EXT1: variants seen among roughly 807,000 people sequenced by gnomAD.
EXT1 encodes exostosin glycosyltransferase 1.
EXT1 carries 20 observed loss-of-function variants against 82.5 expected under a neutral mutation model. The ratio of observed to expected loss-of-function variants is 0.24; its 90% CI spans 0.17 to 0.35. EXT1 has a LOEUF of 0.35. Among genes scored for constraint, EXT1 ranks in the 10% least tolerant of loss-of-function variants. The pLI is 1.00. For missense variants in EXT1, 757 were observed against 936.5 expected, an observed-to-expected ratio of 0.81 and a Z score of 2.50; for synonymous variants, 348 against 350.8, an observed-to-expected ratio of 0.99 and a Z score of 0.09.
At chr8:117,967,109 T>A (rs1814833526) in intron 1 of EXT1, among the ~76,000 whole-genome samples, 2 of 152,242 alleles carry the variant, frequency 1.3e-5, no homozygotes, top group South Asian at 4.1e-4. Context: ...TACATCTGAT[T>A]AAATCATAAC....
At chr8:117,936,145 C>G (rs1023477338) in intron 1 of EXT1, among the ~76,000 whole-genome samples, 1 of 152,184 alleles carries the variant, frequency 6.6e-6, no homozygotes, top group African/African-American at 2.4e-5. Flanking sequence ...GCAAAGAAAA[C>G]AAAAGGGAAG....
At chr8:118,079,598 C>T (rs1316146664) in intron 1 of EXT1, among the ~76,000 whole-genome samples, 3 of 152,182 alleles carry the variant, frequency 2.0e-5, no homozygotes, top group Non-Finnish European at 2.9e-5. Context: ...CCTGCCTCAT[C>T]ACCAAGGAGA....
intron 1 of EXT1, among the ~76,000 whole-genome samples, chr8:117,899,877 T>A (rs1813409357): frequency 6.6e-6 from 1 of 152,194 alleles, no homozygotes; most frequent in African/African-American, 2.4e-5. Context: ...TCAAAATATC[T>A]TACCGTGTGC....
At chr8:117,803,726 G>T (rs1486633435) in intron 10 of EXT1, among the ~76,000 whole-genome samples, 2 of 152,104 alleles carry the variant, frequency 1.3e-5, no homozygotes, top group Non-Finnish European at 2.9e-5. Context: ...CTTATAAAAA[G>T]AAAATGTTGG....
chr8:118,081,996 CG>C (rs1239916554), intron 1 of EXT1, among the ~76,000 whole-genome samples: 1 of 152,030 alleles, frequency 6.6e-6, no homozygotes, highest in East Asian at 1.9e-4. Flanking sequence ...AAACAAGAGT[CG>C]GGGAGTTCTT....
intron 1 of EXT1, among the ~76,000 whole-genome samples, chr8:117,842,947 C>T (rs139345071): frequency 9.5e-4 from 145 of 152,314 alleles, no homozygotes; most frequent in Non-Finnish European, 1.9e-3. Context: ...TCTCTGTACT[C>T]ACACAATTCT....
chr8:118,010,371 CAAAA>C (rs56865464), intron 1 of EXT1, among the ~76,000 whole-genome samples: 1 of 56,002 alleles, frequency 1.8e-5, no homozygotes, highest in Admixed American at 2.1e-4. Flanking sequence ...GACTCCGTCT[CAAAA>C]AAAAAAAAAA....
chr8:117,974,032 T>C (rs1815017353), intron 1 of EXT1, among the ~76,000 whole-genome samples: 1 of 151,566 alleles, frequency 6.6e-6, no homozygotes, highest in Non-Finnish European at 1.5e-5. Flanking sequence ...AGTGGTTTAG[T>C]GCCTTATCAG....
intron 1 of EXT1, among the ~76,000 whole-genome samples, chr8:117,907,422 G>T (rs959711669): frequency 6.6e-6 from 1 of 152,156 alleles, no homozygotes. Context: ...CATCATGATG[G>T]TTCCCCTTAC....
chr8:117,889,859 A>G (rs566685905), intron 1 of EXT1, among the ~76,000 whole-genome samples: 1 of 152,350 alleles, frequency 6.6e-6, no homozygotes, highest in Non-Finnish European at 1.5e-5. Context: ...TTCACTTTAC[A>G]GCATAGAATA....
chr8:117,990,629 C>A (rs1311357235), intron 1 of EXT1, among the ~76,000 whole-genome samples: 1 of 152,254 alleles, frequency 6.6e-6, no homozygotes, highest in African/African-American at 2.4e-5. Context: ...GCAGTTCCCA[C>A]TTGCATAAAC....
At chr8:117,972,685 T>C (rs1279337159) in intron 1 of EXT1, among the ~76,000 whole-genome samples, 3 of 152,222 alleles carry the variant, frequency 2.0e-5, no homozygotes, top group Non-Finnish European at 4.4e-5. Context: ...AAGGGTTTAA[T>C]TGACTCACAG....
At chr8:118,022,026 T>C (rs927042497) in intron 1 of EXT1, among the ~76,000 whole-genome samples, 4 of 152,206 alleles carry the variant, frequency 2.6e-5, no homozygotes, top group Non-Finnish European at 4.4e-5. Flanking sequence ...TAATCATTTC[T>C]GTTGCCCTGA....
At chr8:117,872,152 G>C (rs897415767) in intron 1 of EXT1, among the ~76,000 whole-genome samples, 2 of 140,164 alleles carry the variant, frequency 1.4e-5, no homozygotes, top group Non-Finnish European at 3.1e-5. Flanking sequence ...AGAAAGAAAA[G>C]GAAAAGGAAG....
chr8:117,826,755 G>A (rs369387227), intron 4 of EXT1, among the ~76,000 whole-genome samples: 1 of 151,972 alleles, frequency 6.6e-6, no homozygotes, highest in Non-Finnish European at 1.5e-5. Context: ...CTATAAATTC[G>A]AATGAAGTGT....
Position 118,040,133 on chromosome 8 carries a change from AT to A in EXT1, c.962+69951del, listed in dbSNP as rs957640579. 5.8e-3 allele frequency among the ~76,000 whole-genome samples: 871 copies of A among 149,594 alleles called. 10 individuals are homozygous for A. The highest frequency in any genetic ancestry group is 0.019 in the African/African-American group (796 of 40,876). ...ATGGTGAGAAACCTGATTTTGGTGT[AT>A]TTTTTTTTTAACATTATTTTTAACA... is the stretch of plus-strand genomic sequence containing the variant. On this transcript the variant is annotated intron_variant, in intron 1 of 10. Coordinates refer to ENST00000378204, the MANE Select transcript of EXT1 (RefSeq NM_000127.3).
At chr8:117,852,054 G>C (rs1812464479) in intron 1 of EXT1, among the ~76,000 whole-genome samples, 1 of 152,182 alleles carries the variant, frequency 6.6e-6, no homozygotes, top group African/African-American at 2.4e-5. Context: ...TTGGCCATTT[G>C]CTCTTCCAAA....
chr8:117,879,512 C>G (rs1017471943), intron 1 of EXT1, among the ~76,000 whole-genome samples: 2 of 151,416 alleles, frequency 1.3e-5, no homozygotes, highest in South Asian at 2.1e-4. Flanking sequence ...GTAAATTCTT[C>G]CTGAGATCCA....
chr8:118,088,360 T>G (rs952636504), intron 1 of EXT1, among the ~76,000 whole-genome samples: 2 of 152,174 alleles, frequency 1.3e-5, no homozygotes, highest in Non-Finnish European at 2.9e-5. Flanking sequence ...GCTGTTAAGA[T>G]GGAATGAACC....
Sources: gnomAD v4.1 joint callset for allele counts (sites outside exome capture counted in the v4.1 genomes callset) on GRCh38, gnomAD v4.1.1 for gene constraint, MANE v1.5 for transcripts, NCBI Gene and HGNC (gene_info 2026-07-23, HGNC 2026-07-21) for gene names.